USP20: variants seen among roughly 807,000 people sequenced by gnomAD.
USP20 encodes the protein ubiquitin specific peptidase 20.
In USP20, 80 loss-of-function variants were observed where a neutral mutation model predicts 124.2. That is an observed-to-expected ratio of 0.64 (90% CI 0.54 to 0.78). USP20 has a LOEUF of 0.78. USP20 is among the 30% of genes least tolerant of loss of function. USP20 has a pLI of 0.00. For missense variants in USP20, 1,043 were observed against 1,244.4 expected (o/e 0.84, Z 2.44); for synonymous variants, 481 against 512.3 (o/e 0.94, Z 0.83).
chr9:129,873,765 G>C, intron 17 of USP20, 21 bp downstream of exon 17: 1 of 1,609,420 alleles, frequency 6.2e-7, no homozygotes, highest in Non-Finnish European at 8.5e-7. Flanking sequence ...GGCCTCGGCA[G>C]CCTCCTCCTC....
At chr9:129,869,554 G>T in intron 13 of USP20, 118 bp from the exon 14 acceptor site, 1 of 1,533,550 alleles carries the variant, frequency 6.5e-7, no homozygotes, top group South Asian at 1.2e-5. Flanking sequence ...GGCCCTGCCT[G>T]CGTGGATCCC....
Position 129,880,518 on chromosome 9 carries a change from G to T in USP20, c.*68G>T. On this transcript the variant is annotated 3_prime_UTR_variant, in exon 26 of 26. Transcript: ENST00000372429. ...CGTGTTTGTGCCCAGAAGAGAGGCC[G>T]GGCTGCTGCAGAACCCCGCCGTGTA... 1 of 546,642 alleles carries T rather than the reference G, an allele frequency of 1.8e-6. No homozygotes were observed. Among genetic ancestry groups the T allele is most frequent in the Admixed American group, 3.2e-5 (1 of 31,630 alleles). 33.9% of individuals were successfully genotyped at this position (546,642 alleles called of 1,614,324 possible).
Position 129,868,106 on chromosome 9 carries a change from T to C in USP20, c.792T>C (p.Asp264=), listed in dbSNP as rs756516710. 2.5e-6 allele frequency: 4 copies of C among 1,614,042 alleles called. No individual in the cohort carries two copies. The highest frequency in any genetic ancestry group is 2.5e-6 in the Non-Finnish European group (3 of 1,180,024). Residue 264 remains aspartate, a synonymous_variant, in exon 11 of 26, where the codon GAT becomes GAC. Transcript: ENST00000372429. The part of the protein sequence containing the change: ...TVALTEARDS[D]SSDTDEKREG... ...CGCTGACGGAGGCTCGGGACTCAGA[T>C]TCGAGTGACACGGATGAGAAACGGG...
In USP20 at chr9:129,879,667, C is replaced by T; in HGVS notation, c.2584+23C>T. On this transcript the variant is annotated intron_variant, in intron 24 of 25. Transcript: ENST00000372429. The surrounding 1 kb of genome is among the most constrained non-coding windows in gnomAD (Gnocchi z 4.2). Reference sequence around the variant, plus strand: ...AGGGTGAGTTCCCCCTGGGGTCAGCCAGGCTCCTCTCTGCCCTTCCTGGCT... The same window carrying T: ...AGGGTGAGTTCCCCCTGGGGTCAGCTAGGCTCCTCTCTGCCCTTCCTGGCT... The T allele has an allele frequency of 6.2e-7, 1 of 1,613,550 alleles. No individual in the cohort carries two copies. Among genetic ancestry groups the T allele is most frequent in the Non-Finnish European group, 8.5e-7 (1 of 1,179,712 alleles).
At chr9:129,856,460 T>G in intron 4 of USP20, 100 bp downstream of exon 4, 1 of 1,399,990 alleles carries the variant, frequency 7.1e-7, no homozygotes, top group Non-Finnish European at 1.0e-6. Flanking sequence ...GCTGGGAACT[T>G]CCATCCCTAG....
Position 129,879,490 on chromosome 9 carries a change from G to T in USP20, c.2513-83G>T. On this transcript the variant is annotated intron_variant, in intron 23 of 25. Coordinates refer to ENST00000372429, the MANE Select transcript of USP20 (RefSeq NM_001110303.4). The surrounding 1 kb of genome is among the most constrained non-coding windows in gnomAD (Gnocchi z 4.2). The stretch of plus-strand genomic sequence containing the variant: ...TCACGCTGACCCCCAGGCCTGGGGC[G>T]GCCCCACTTGGGATGGCTCTGCTGC... The T allele has an allele frequency of 2.1e-6, 3 of 1,444,962 alleles. No homozygotes were observed. Among genetic ancestry groups the T allele is most frequent in the Non-Finnish European group, 2.9e-6 (3 of 1,034,604 alleles). 89.5% of individuals were successfully genotyped at this position (1,444,962 alleles called of 1,614,324 possible).
chr9:129,858,262 A>G, intron 5 of USP20, 150 bp downstream of exon 5: 1 of 1,134,916 alleles, frequency 8.8e-7, no homozygotes, highest in African/African-American at 1.6e-5. Context: ...GAGAGAATGC[A>G]GGTAAAAACA....
intron 1 of USP20, among the ~76,000 whole-genome samples, chr9:129,843,492 T>G (rs2032355946): frequency 6.6e-6 from 1 of 151,950 alleles, no homozygotes; most frequent in Non-Finnish European, 1.5e-5. Flanking sequence ...TCCCAGCACT[T>G]GAGAAGCTGA....
chr9:129,836,114 T>C (rs1280617023), intron 1 of USP20, among the ~76,000 whole-genome samples: 2 of 152,178 alleles, frequency 1.3e-5, no homozygotes, highest in Non-Finnish European at 1.5e-5. Context: ...CTCTGCCCCT[T>C]CCACCCCGAA....
chr9:129,842,408 G>A (rs1461304953), intron 1 of USP20, among the ~76,000 whole-genome samples: 3 of 152,104 alleles, frequency 2.0e-5, no homozygotes, highest in Admixed American at 1.3e-4. Flanking sequence ...ATGGGACTCT[G>A]TACACTACAA....
At position 129,863,189 on chromosome 9, in the gene USP20, G is replaced by A. The variant is rs965694772; in HGVS notation, c.501G>A (p.Pro167=). 14 of 1,527,552 alleles carry A rather than the reference G, an allele frequency of 9.2e-6. No individual in the cohort carries two copies. Among genetic ancestry groups the A allele is most frequent in the Middle Eastern group, 1.8e-4 (1 of 5,466 alleles). 94.6% of individuals were successfully genotyped at this position (1,527,552 alleles called of 1,614,324 possible). A position where few individuals can be genotyped will look rare whatever the true frequency, so the allele number is the denominator to read the frequency against. The part of the protein sequence containing the change: ...NAALQALSNC[P]PLTQFFLECG... ...GCTCTCTCTCCCCTGCACCCAGCCC[G>A]CCGCTGACTCAGTTCTTCTTGGAGT... is the stretch of plus-strand genomic sequence containing the variant. Residue 167 remains proline (P), a synonymous_variant, in exon 9 of 26, where the codon CCG becomes CCA. Coordinates refer to ENST00000372429, the MANE Select transcript of USP20 (RefSeq NM_001110303.4).
At chr9:129,845,054 G>A (rs1035017557) in intron 1 of USP20, among the ~76,000 whole-genome samples, 5 of 152,078 alleles carry the variant, frequency 3.3e-5, no homozygotes, top group Non-Finnish European at 7.3e-5. Context: ...TCATAACCTG[G>A]TCTCTAAATA....
chr9:129,856,104 A>T (rs1331081724), intron 3 of USP20, among the ~76,000 whole-genome samples: 2 of 152,252 alleles, frequency 1.3e-5, no homozygotes, highest in Non-Finnish European at 2.9e-5. Flanking sequence ...TAGAATTCAA[A>T]CAGTAAAGTA....
At chr9:129,853,180 C>G in intron 3 of USP20, among the ~76,000 whole-genome samples, 1 of 140,586 alleles carries the variant, frequency 7.1e-6, no homozygotes, top group African/African-American at 2.5e-5. Context: ...CACTTATTCT[C>G]TTTTGTATCT....
At chr9:129,866,165 T>TTG (rs2033811037) in intron 10 of USP20, among the ~76,000 whole-genome samples, 3 of 152,268 alleles carry the variant, frequency 2.0e-5, no homozygotes, top group South Asian at 4.1e-4. Context: ...GGGTCACCTC[T>TTG]TGTGCTGCCT....
Position 129,879,200 on chromosome 9 carries a change from A to T in USP20, c.2513-373A>T, listed in dbSNP as rs899339519. On this transcript the variant is annotated intron_variant, in intron 23 of 25. Coordinates refer to ENST00000372429, the MANE Select transcript of USP20 (RefSeq NM_001110303.4). The surrounding 1 kb of genome is among the most constrained non-coding windows in gnomAD (Gnocchi z 4.2). ...CAGCTATGACCTGAGTGGTTACTTC[A>T]CCTTCCCAGGCCTCGGCTCTGTCTC... Among the ~76,000 whole-genome samples the T allele has an allele frequency of 2.0e-5, 3 of 152,004 alleles. No individual in the cohort carries two copies. The highest frequency in any genetic ancestry group is 7.2e-5 in the African/African-American group (3 of 41,380).
Position 129,868,886 on chromosome 9 carries a change from G to T in USP20, c.1160G>T (p.Arg387Leu), listed in dbSNP as rs369513001. 1.9e-6 allele frequency: 3 copies of T among 1,596,630 alleles called. No individual in the cohort carries two copies. Reference protein sequence around the residue: ...TPEPDNDAHLRSSSRPCSPVH... With the variant: ...TPEPDNDAHLLSSSRPCSPVH... ...GAGCCGGACAATGATGCTCACCTAC[G>T]CAGCTCCTCTCGCCCCTGCAGCCCC... The change falls in exon 12 of 26, where the codon CGC becomes CTC. Residue 387 changes from arginine to leucine, a missense_variant. Transcript: ENST00000372429.
intron 1 of USP20, among the ~76,000 whole-genome samples, chr9:129,837,394 G>A (rs2031924248): frequency 6.6e-6 from 1 of 152,210 alleles, no homozygotes; most frequent in Non-Finnish European, 1.5e-5. Context: ...CAGATGAAAT[G>A]TTGGCTTGTT....
At chr9:129,852,754 C>T in intron 3 of USP20, 118 bp downstream of exon 3, 3 of 1,051,430 alleles carry the variant, frequency 2.9e-6, no homozygotes, top group Non-Finnish European at 4.2e-6. Context: ...GCTCAGCTTT[C>T]TGTGTAAATG....
Sources: allele counts gnomAD v4.1 joint callset (sites outside exome capture counted in the v4.1 genomes callset), GRCh38; gene constraint gnomAD v4.1.1; non-coding constraint Gnocchi (gnomAD v3.1); transcripts MANE v1.5; gene names NCBI Gene and HGNC (gene_info 2026-07-23, HGNC 2026-07-21).